Variants in CYRIA observed in about 807,000 individuals in gnomAD.
The protein encoded by CYRIA is CYFIP related Rac1 interactor A.
CYRIA carries 15 observed loss-of-function variants against 43.9 expected under a neutral mutation model. The ratio of observed to expected loss-of-function variants is 0.34; its 90% CI spans 0.23 to 0.53. The LOEUF (loss-of-function observed/expected upper bound fraction) is 0.53, where lower values mean the gene tolerates loss of function less well. Ranked by LOEUF, CYRIA falls within the 20% of genes least tolerant of loss-of-function variation. CYRIA has a pLI of 0.94. For missense variants in CYRIA, 236 were observed against 394.2 expected (o/e 0.60, Z 3.40); for synonymous variants, 117 against 136.0 (o/e 0.86, Z 0.97).
intron 2 of CYRIA, among the ~76,000 whole-genome samples, chr2:16,601,659 G>A (rs187131633): frequency 2.6e-4 from 39 of 149,522 alleles, no homozygotes; most frequent in African/African-American, 9.0e-4. Flanking sequence ...GCTATTCAGT[G>A]GAAAACCATG....
At chr2:16,561,886 G>A (rs947124661) in intron 6 of CYRIA, 119 bp downstream of exon 6, 11 of 927,104 alleles carry the variant, frequency 1.2e-5, no homozygotes, top group Non-Finnish European at 1.5e-5. Flanking sequence ...TCTCTCTAGG[G>A]AAGGAATTAC....
chr2:16,630,816 C>G (rs1669307399), intron 1 of CYRIA, among the ~76,000 whole-genome samples: 1 of 152,188 alleles, frequency 6.6e-6, no homozygotes, highest in South Asian at 2.1e-4. Flanking sequence ...CCCCTCTTCC[C>G]ATCCACGGCT....
At chr2:16,568,561 T>A (rs1457865972) in intron 3 of CYRIA, among the ~76,000 whole-genome samples, 1 of 151,992 alleles carries the variant, frequency 6.6e-6, no homozygotes, top group Non-Finnish European at 1.5e-5. Context: ...AAGGAAAGTG[T>A]CAGGGAAGAA....
intron 1 of CYRIA, among the ~76,000 whole-genome samples, chr2:16,647,721 C>A (rs1328265663): frequency 2.0e-5 from 3 of 152,212 alleles, no homozygotes; most frequent in Non-Finnish European, 2.9e-5. Flanking sequence ...TTCTCCTCTG[C>A]CTTGTACAGT....
At chr2:16,643,405 G>A (rs1271311709) in intron 1 of CYRIA, among the ~76,000 whole-genome samples, 1 of 152,136 alleles carries the variant, frequency 6.6e-6, no homozygotes, top group Non-Finnish European at 1.5e-5. Flanking sequence ...GGACAGTGTT[G>A]CACAAGCCTG....
chr2:16,650,896 A>T lies in CYRIA; in HGVS notation c.-167+14884T>A, dbSNP rs1165378003. Among the ~76,000 whole-genome samples, 1 of 152,192 alleles carries T rather than the reference A, an allele frequency of 6.6e-6. No homozygotes were observed. Among genetic ancestry groups the T allele is most frequent in the Admixed American group, 6.5e-5 (1 of 15,284 alleles). On this transcript the variant is annotated intron_variant, in intron 1 of 11. Coordinates refer to ENST00000381323, the MANE Select transcript of CYRIA (RefSeq NM_030797.4). This position sits in a 1 kb window ranked among gnomAD's most constrained non-coding sequence, Gnocchi z 4.1. The stretch of plus-strand genomic sequence containing the variant: ...TTTTTGCTCCTGTTGTTTTAAATTC[A>T]AACCTTATTGTTCTTTTTCTTTGCT...
At chr2:16,573,009 T>A (rs1301086348) in intron 3 of CYRIA, among the ~76,000 whole-genome samples, 4 of 152,182 alleles carry the variant, frequency 2.6e-5, no homozygotes, top group Non-Finnish European at 4.4e-5. Flanking sequence ...AATGTCCCTA[T>A]ATTTATGTGC....
intron 1 of CYRIA, among the ~76,000 whole-genome samples, chr2:16,664,326 G>A (rs1232794934): frequency 6.6e-6 from 1 of 152,076 alleles, no homozygotes; most frequent in East Asian, 1.9e-4. Flanking sequence ...CAGCGCCCAT[G>A]TTTATGACTG....
rs770672942 is a variant in CYRIA, at chr2:16,564,060, T to C, written c.227A>G (p.Glu76Gly). Residue 76 changes from glutamate to glycine, a missense_variant, in exon 5 of 12, where the codon GAA (glutamate) becomes GGA (glycine). This residue lies in a region of CYRIA where 193 missense variants were observed against 303.9 expected (regional missense o/e 0.64). Transcript: ENST00000381323. ...IQNPNDIQLQEKAWNAVCPLV... is the reference protein window; with the variant it reads ...IQNPNDIQLQGKAWNAVCPLV... The stretch of plus-strand genomic sequence containing the variant: ...AGGGCACACCGCATTCCAAGCTTTT[T>C]CTTGAAGCTGAATGTCATTGGGATT... 6.2e-7 allele frequency: 1 copy of C among 1,613,686 alleles called. No individual in the cohort carries two copies. The highest frequency in any genetic ancestry group is 1.7e-5 in the Admixed American group (1 of 59,988).
chr2:16,554,124 A>G (rs1174134972), intron 11 of CYRIA, among the ~76,000 whole-genome samples: 1 of 152,180 alleles, frequency 6.6e-6, no homozygotes, highest in Non-Finnish European at 1.5e-5. Context: ...TGTGATGATT[A>G]AATGAGACAA....
rs929971153 is a variant in CYRIA, at chr2:16,552,772, G to A, written c.*164C>T. The A allele has an allele frequency of 8.7e-6, 5 of 572,522 alleles. No individual in the cohort carries two copies. The highest frequency in any genetic ancestry group is 1.6e-5 in the Non-Finnish European group (5 of 320,504). 35.5% of individuals were successfully genotyped at this position (572,522 alleles called of 1,614,324 possible). A position where few individuals can be genotyped will look rare whatever the true frequency, so the allele number is the denominator to read the frequency against. On this transcript the variant is annotated 3_prime_UTR_variant, in exon 12 of 12. Coordinates refer to ENST00000381323, the MANE Select transcript of CYRIA (RefSeq NM_030797.4). ...AGGCTCTCAAGTCAATTTATGCTCTGCTGGGTTGAGTCAGTCAGGATACAA... is the reference window on the plus strand; with the variant it reads ...AGGCTCTCAAGTCAATTTATGCTCTACTGGGTTGAGTCAGTCAGGATACAA...
chr2:16,590,384 T>C (rs1667885452), intron 2 of CYRIA, among the ~76,000 whole-genome samples: 1 of 152,140 alleles, frequency 6.6e-6, no homozygotes, highest in African/African-American at 2.4e-5. Context: ...AGGAAGATGA[T>C]TTTACTGTTT....
chr2:16,589,975 G>A (rs1438260471), intron 2 of CYRIA, among the ~76,000 whole-genome samples: 1 of 151,842 alleles, frequency 6.6e-6, no homozygotes, highest in African/African-American at 2.4e-5. Context: ...CAACAGCGTT[G>A]GAAAAATGAA....
intron 2 of CYRIA, among the ~76,000 whole-genome samples, chr2:16,614,031 A>C (rs1668694625): frequency 6.6e-6 from 1 of 152,224 alleles, no homozygotes. Context: ...GTTGTGGCTG[A>C]ATCAACTTCA....
At chr2:16,579,809 T>C (rs933424128) in intron 3 of CYRIA, among the ~76,000 whole-genome samples, 2 of 152,168 alleles carry the variant, frequency 1.3e-5, no homozygotes, top group African/African-American at 2.4e-5. Context: ...AACACCAAGA[T>C]AGACTCAAAT....
intron 1 of CYRIA, among the ~76,000 whole-genome samples, chr2:16,660,560 G>A (rs944382746): frequency 6.6e-6 from 1 of 152,226 alleles, no homozygotes; most frequent in African/African-American, 2.4e-5. Flanking sequence ...CTTGAGGGCA[G>A]GGGTAATGTC....
intron 3 of CYRIA, among the ~76,000 whole-genome samples, chr2:16,584,518 C>T (rs1278865613): frequency 6.6e-6 from 1 of 152,192 alleles, no homozygotes; most frequent in African/African-American, 2.4e-5. Flanking sequence ...ATGTTCCCAT[C>T]TGCTCAGCTC....
chr2:16,555,010 T>C (rs1015513353), intron 11 of CYRIA, 59 bp downstream of exon 11: 12 of 1,391,756 alleles, frequency 8.6e-6, no homozygotes, highest in Non-Finnish European at 1.2e-5. Flanking sequence ...GTATTTAAAT[T>C]TGCAATGGCC....
At chr2:16,600,063 A>G (rs1240483638) in intron 2 of CYRIA, among the ~76,000 whole-genome samples, 1 of 152,188 alleles carries the variant, frequency 6.6e-6, no homozygotes, top group Non-Finnish European at 1.5e-5. Context: ...GCCAGATTTT[A>G]CTTTTTAACC....
Sources: allele counts gnomAD v4.1 joint callset (sites outside exome capture counted in the v4.1 genomes callset), GRCh38; gene constraint gnomAD v4.1.1; regional missense constraint gnomAD v4.1.1; non-coding constraint Gnocchi (gnomAD v3.1); transcripts MANE v1.5; gene names NCBI Gene and HGNC (gene_info 2026-07-23, HGNC 2026-07-21).